ATG13: variants seen among roughly 807,000 people sequenced by gnomAD.
The protein encoded by ATG13 is autophagy related 13.
In ATG13, 23 loss-of-function variants were observed where a neutral mutation model predicts 65.5. The observed-to-expected ratio is 0.35, with a 90% CI of 0.25 to 0.50. The LOEUF is 0.50. Among genes scored for constraint, ATG13 ranks in the 20% least tolerant of loss-of-function variants. The pLI is 0.98. For missense variants in ATG13, 566 were observed against 677.0 expected (o/e 0.84, Z 1.82); for synonymous variants, 252 against 245.2 (o/e 1.03, Z -0.26).
At chr11:46,641,046 A>G (rs2055809433) in intron 2 of ATG13, among the ~76,000 whole-genome samples, 1 of 152,236 alleles carries the variant, frequency 6.6e-6, no homozygotes, top group South Asian at 2.1e-4. Context: ...AAAAACAGGA[A>G]ACAACTCAAA....
At chr11:46,660,707 CTT>C (rs879917983) in intron 11 of ATG13, among the ~76,000 whole-genome samples, 15 of 140,946 alleles carry the variant, frequency 1.1e-4, no homozygotes, top group Admixed American at 1.4e-4. Flanking sequence ...TGCGCCCGGC[CTT>C]TTTTTTTTTT....
At chr11:46,627,963 G>A (rs2050297480) in intron 1 of ATG13, among the ~76,000 whole-genome samples, 1 of 151,274 alleles carries the variant, frequency 6.6e-6, no homozygotes, top group African/African-American at 2.4e-5. Flanking sequence ...CATGCTAGTA[G>A]TCCCAGCTAC....
chr11:46,632,678 C>T (rs532489952), intron 2 of ATG13, among the ~76,000 whole-genome samples: 56 of 151,836 alleles, frequency 3.7e-4, no homozygotes, highest in African/African-American at 1.3e-3. Flanking sequence ...AGGTCCGGTA[C>T]CTCTATAGAC....
intron 1 of ATG13, among the ~76,000 whole-genome samples, chr11:46,628,447 A>G (rs1209795189): frequency 2.0e-5 from 3 of 152,138 alleles, no homozygotes; most frequent in African/African-American, 7.2e-5. Flanking sequence ...AAAGTGTTGA[A>G]TATTTGTCAG....
chr11:46,654,390 T>A (rs2059599695), intron 7 of ATG13, among the ~76,000 whole-genome samples: 1 of 148,924 alleles, frequency 6.7e-6, no homozygotes, highest in Non-Finnish European at 1.5e-5. Flanking sequence ...CTCATGCCTG[T>A]GATCCCAGCA....
At chr11:46,625,915 G>A (rs1381393406) in intron 1 of ATG13, among the ~76,000 whole-genome samples, 1 of 152,088 alleles carries the variant, frequency 6.6e-6, no homozygotes, top group Non-Finnish European at 1.5e-5. Context: ...AGGCTTCTTT[G>A]GTTAGCATAG....
Position 46,651,630 on chromosome 11 carries a change from A to T in ATG13, c.458+1313A>T, listed in dbSNP as rs184169770. 3.3e-5 allele frequency among the ~76,000 whole-genome samples: 5 copies of T among 152,322 alleles called. No homozygotes were observed. In the East Asian group the frequency reaches 7.7e-4, roughly 23 times the overall value. Reference sequence around the variant, plus strand: ...TAGAGCTGATTTTTAGACGAATAGTATAGCAAGATAGAGGGACCAAAGGAG... The same window carrying T: ...TAGAGCTGATTTTTAGACGAATAGTTTAGCAAGATAGAGGGACCAAAGGAG... On this transcript the variant is annotated intron_variant, in intron 7 of 18. Transcript: ENST00000683050.
At chr11:46,639,603 A>G (rs1211080235) in intron 2 of ATG13, among the ~76,000 whole-genome samples, 1 of 152,136 alleles carries the variant, frequency 6.6e-6, no homozygotes, top group Admixed American at 6.6e-5. Flanking sequence ...GTTTAATTGT[A>G]GGGTTGCCAA....
rs1226638713 is a variant in ATG13, at chr11:46,653,180, CT to C, written c.458+2880del. Among the ~76,000 whole-genome samples the C allele has an allele frequency of 1.1e-3, 143 of 132,640 alleles. No homozygotes were observed. In the Middle Eastern group the frequency reaches 0.012, roughly 11 times the overall value. The allele number at this position is 132,640 out of a possible 152,430, so 87.0% of individuals were successfully genotyped here. A position where few individuals can be genotyped will look rare whatever the true frequency, so the allele number is the denominator to read the frequency against. On this transcript the variant is annotated intron_variant, in intron 7 of 18. Coordinates refer to ENST00000683050, the MANE Select transcript of ATG13 (RefSeq NM_001346311.2). ...TATTTACATACATTTCATTTCTTTT[CT>C]TTTTTTTTTTTTTTTTGAGGTGGAG...
chr11:46,650,551 A>T (rs1346887338), intron 7 of ATG13, among the ~76,000 whole-genome samples: 6 of 152,144 alleles, frequency 3.9e-5, no homozygotes, highest in African/African-American at 1.4e-4. Flanking sequence ...TGTGGAATGG[A>T]TGTTGAGGTC....
At position 46,664,018 on chromosome 11, in the gene ATG13, G is replaced by A. The variant is rs1335963989; in HGVS notation, c.811G>A (p.Ala271Thr). Residue 271 changes from alanine to threonine, a missense_variant, in exon 12 of 19, where the codon GCA becomes ACA. Coordinates refer to ENST00000683050, the MANE Select transcript of ATG13 (RefSeq NM_001346311.2). Reference protein sequence around the residue: ...PSQCVFTVTKAHFQTPTPVVT... With the variant: ...PSQCVFTVTKTHFQTPTPVVT... ...ACAGTGTGTGTTTACTGTCACAAAG[G>A]CACATTTTCAGACCCCTACTCCTGT... is the stretch of plus-strand genomic sequence containing the variant. 1.1e-5 allele frequency: 17 copies of A among 1,594,982 alleles called. No homozygotes were observed. The highest frequency in any genetic ancestry group is 1.4e-5 in the Non-Finnish European group (17 of 1,178,674).
chr11:46,664,107 A>G lies in ATG13; in HGVS notation c.888+12A>G, dbSNP rs938153569. ...CCTTTTCCCATCAAGTGAGTCCATA[A>G]TGGGAAGAAGGGGATATAATCAGAT... On this transcript the variant is annotated intron_variant, in intron 12 of 18. Coordinates refer to ENST00000683050, the MANE Select transcript of ATG13 (RefSeq NM_001346311.2). 3 of 1,555,316 alleles carry G rather than the reference A, an allele frequency of 1.9e-6. No individual in the cohort carries two copies. The highest frequency in any genetic ancestry group is 2.6e-6 in the Non-Finnish European group (3 of 1,149,390).
Position 46,667,824 on chromosome 11 carries a change from C to T in ATG13, c.1188C>T (p.His396=), listed in dbSNP as rs767104935. ...GCAGTGAGGGACGGGCCTCCCCTCA[C>T]GATGTCTTGGAGACCATCTTTGTCC... The part of the protein sequence containing the change: ...SNSSEGRASP[H]DVLETIFVRK... The change falls in exon 15 of 19, where the codon CAC becomes CAT. Residue 396 remains histidine (H), a synonymous_variant. Transcript: ENST00000683050. The T allele has an allele frequency of 6.2e-5, 100 of 1,612,216 alleles. No homozygotes were observed. Among genetic ancestry groups the T allele is most frequent in the African/African-American group, 1.3e-4 (10 of 74,914 alleles).
At chr11:46,646,138 T>C in intron 5 of ATG13, 149 bp downstream of exon 5, 1 of 1,178,550 alleles carries the variant, frequency 8.5e-7, no homozygotes, top group Non-Finnish European at 1.1e-6. Context: ...TTTGTTCTTT[T>C]TTGTTTGTTT....
Position 46,617,867 on chromosome 11 carries a change from A to G in ATG13, c.-93A>G, listed in dbSNP as rs2045782869. The G allele has an allele frequency of 7.5e-6, 3 of 398,840 alleles. No homozygotes were observed. Among genetic ancestry groups the G allele is most frequent in the Non-Finnish European group, 4.4e-6 (1 of 226,068 alleles). 24.7% of individuals were successfully genotyped at this position (398,840 alleles called of 1,614,324 possible). On this transcript the variant is annotated 5_prime_UTR_variant, in exon 1 of 19. Transcript: ENST00000683050. ...GCCTCCGTAATGAGAGCCCGGAACCACTCTTTGTGCCGCAGCTTCGCAGGT... is the reference window on the plus strand; with the variant it reads ...GCCTCCGTAATGAGAGCCCGGAACCGCTCTTTGTGCCGCAGCTTCGCAGGT...
chr11:46,653,634 A>T (rs557356082), intron 7 of ATG13, among the ~76,000 whole-genome samples: 2 of 151,566 alleles, frequency 1.3e-5, no homozygotes, highest in African/African-American at 4.9e-5. Context: ...CAATGGCACA[A>T]TCTCGGCTCA....
chr11:46,617,993 A>ATT, intron 1 of ATG13, 103 bp downstream of exon 1: 1 of 398,342 alleles, frequency 2.5e-6, no homozygotes, highest in Non-Finnish European at 4.4e-6. Flanking sequence ...AGTAGAAGGG[A>ATT]TTAGCCACGG....
At chr11:46,652,176 A>C (rs547366915) in intron 7 of ATG13, among the ~76,000 whole-genome samples, 48 of 152,182 alleles carry the variant, frequency 3.2e-4, no homozygotes, top group African/African-American at 1.1e-3. Flanking sequence ...TGAACCCAGG[A>C]GGCGGAGGTT....
chr11:46,637,095 A>G (rs1458492970), intron 2 of ATG13, among the ~76,000 whole-genome samples: 1 of 152,174 alleles, frequency 6.6e-6, no homozygotes, highest in African/African-American at 2.4e-5. Flanking sequence ...GGTATTAAGG[A>G]GTGGCTAAAG....
Sources: allele counts gnomAD v4.1 joint callset (sites outside exome capture counted in the v4.1 genomes callset), GRCh38; gene constraint gnomAD v4.1.1; transcripts MANE v1.5; gene names NCBI Gene and HGNC (gene_info 2026-07-23, HGNC 2026-07-21).